Variants in HARS1 observed in about 807,000 individuals in gnomAD.
HARS1 encodes the protein histidyl-tRNA synthetase 1, also known as histidine--tRNA ligase, cytoplasmic.
HARS1 carries 45 observed loss-of-function variants against 63.6 expected under a neutral mutation model. That is an observed-to-expected ratio of 0.71 (90% confidence interval 0.56 to 0.91). The LOEUF (loss-of-function observed/expected upper bound fraction) is 0.91. Among genes scored for constraint, HARS1 ranks in the 40% least tolerant of loss-of-function variants. The pLI is 0.00. For synonymous variants in HARS1, 205 were observed against 247.1 expected (o/e 0.83, Z 1.60); for missense variants, 508 against 643.2 (o/e 0.79, Z 2.27).
chr5:140,686,081 G>A (rs950778898), intron 2 of HARS1, among the ~76,000 whole-genome samples: 10 of 145,180 alleles, frequency 6.9e-5, no homozygotes, highest in South Asian at 2.2e-4. Context: ...ATACAGGCGC[G>A]TGCCACCACG....
chr5:140,674,576 A>T, intron 12 of HARS1, 103 bp downstream of exon 12: 1 of 1,286,356 alleles, frequency 7.8e-7, no homozygotes, highest in Non-Finnish European at 1.1e-6. Flanking sequence ...TATGAGTTGT[A>T]CTAATATCAA....
chr5:140,689,467 T>G (rs777181496), intron 2 of HARS1, among the ~76,000 whole-genome samples: 2 of 152,196 alleles, frequency 1.3e-5, no homozygotes, highest in Non-Finnish European at 2.9e-5. Flanking sequence ...GGTTTTTATT[T>G]GTTTGTTTGT....
At chr5:140,685,833 A>G (rs1185092641) in intron 2 of HARS1, among the ~76,000 whole-genome samples, 1 of 152,154 alleles carries the variant, frequency 6.6e-6, no homozygotes, top group African/African-American at 2.4e-5. Flanking sequence ...TTGCCTGTGC[A>G]TGATTTCATA....
intron 2 of HARS1, among the ~76,000 whole-genome samples, chr5:140,689,739 C>T (rs998115831): frequency 2.0e-5 from 3 of 152,140 alleles, no homozygotes; most frequent in African/African-American, 4.8e-5. Context: ...GGTAAATAAA[C>T]GACATAAATA....
At chr5:140,689,447 G>C (rs1759236414) in intron 2 of HARS1, among the ~76,000 whole-genome samples, 1 of 124,376 alleles carries the variant, frequency 8.0e-6, no homozygotes, top group Admixed American at 8.1e-5. Context: ...TTTATTGTTA[G>C]ATTTCAAAAG....
intron 5 of HARS1, 87 bp from the exon 6 acceptor site, chr5:140,678,102 G>A: frequency 4.1e-6 from 3 of 733,738 alleles, no homozygotes; most frequent in Non-Finnish European, 7.5e-6. Flanking sequence ...AGGAAGGCCT[G>A]GTTGCACTCA....
chr5:140,687,632 TTA>T (rs1491581229), intron 2 of HARS1: 11 of 152,230 alleles, frequency 7.2e-5, no homozygotes, highest in African/African-American at 2.2e-4. Flanking sequence ...AATTAATTAA[TTA>T]ATTTATTTAT....
rs767086117 is a variant in HARS1, at chr5:140,674,221, C to T, written c.*36G>A. ...AGTTTGTCTTAACCTCAAATAGTGC[C>T]AGTCCCACTTCCTTTCCTCTGATAG... On this transcript the variant is annotated 3_prime_UTR_variant, in exon 13 of 13. Transcript: ENST00000504156. 1 of 1,313,388 alleles carries T rather than the reference C, an allele frequency of 7.6e-7. No homozygotes were observed. Among genetic ancestry groups the T allele is most frequent in the Non-Finnish European group, 1.1e-6 (1 of 905,010 alleles). The allele number at this position is 1,313,388 out of a possible 1,614,324, so 81.4% of individuals were successfully genotyped here. A position where few individuals can be genotyped will look rare whatever the true frequency, so the allele number is the denominator to read the frequency against.
chr5:140,683,969 C>G (rs1002956314), intron 2 of HARS1: 2 of 152,128 alleles, frequency 1.3e-5, no homozygotes, highest in African/African-American at 4.8e-5. Flanking sequence ...GACTGAGAGA[C>G]AGAGCGAGAC....
chr5:140,684,525 A>T (rs1271431400), intron 2 of HARS1: 1 of 476,800 alleles, frequency 2.1e-6, no homozygotes, highest in African/African-American at 2.1e-5. Flanking sequence ...TAGGCAGATA[A>T]ATTTTACAGA....
At chr5:140,685,898 T>G (rs1758994344) in intron 2 of HARS1, among the ~76,000 whole-genome samples, 1 of 152,084 alleles carries the variant, frequency 6.6e-6, no homozygotes, top group Admixed American at 6.6e-5. Context: ...AAGCCTTATT[T>G]ATTTACATCA....
rs1194198049 is a variant in HARS1, at chr5:140,679,432, G to A, written c.397-305C>T. 2 of 410,184 alleles carry A rather than the reference G, an allele frequency of 4.9e-6. No individual in the cohort carries two copies. The highest frequency in any genetic ancestry group is 8.7e-6 in the Non-Finnish European group (2 of 230,244). 25.4% of individuals were successfully genotyped at this position (410,184 alleles called of 1,614,324 possible). On this transcript the variant is annotated intron_variant, in intron 4 of 12. Coordinates refer to ENST00000504156, the MANE Select transcript of HARS1 (RefSeq NM_002109.6). This position sits in a 1 kb window ranked among gnomAD's most constrained non-coding sequence, Gnocchi z 4.3. ...CGACCAGAAAAAGGCCCCCATATGG[G>A]ATTTCTAAGCAGATGATTCTCTGTG...
intron 2 of HARS1, among the ~76,000 whole-genome samples, chr5:140,686,088 C>G (rs1427694045): frequency 1.3e-5 from 2 of 150,864 alleles, no homozygotes; most frequent in African/African-American, 4.9e-5. Context: ...CGCGTGCCAC[C>G]ACGCCCGGCA....
In HARS1 at chr5:140,690,929, C is replaced by A; in HGVS notation, c.106G>T (p.Ala36Ser). 1 of 1,601,230 alleles carries A rather than the reference C, an allele frequency of 6.2e-7. No individual in the cohort carries two copies. The highest frequency in any genetic ancestry group is 1.1e-5 in the South Asian group (1 of 90,852). Reference sequence around the variant, plus strand: ...TGTGCCTTCAGTTTCAGGAGTTTCGCCACCTCCTCCTCGATCTGTGGAGGG... The same window carrying A: ...TGTGCCTTCAGTTTCAGGAGTTTCGACACCTCCTCCTCGATCTGTGGAGGG... ...ASAELIEEEV[A>S]KLLKLKAQLG... The change falls in exon 2 of 13, where the codon GCG becomes TCG. Residue 36 changes from alanine (A) to serine (S), a missense_variant. This residue lies in a region of HARS1 where 105 missense variants were observed against 94.5 expected (regional missense o/e 1.11). Coordinates refer to ENST00000504156, the MANE Select transcript of HARS1 (RefSeq NM_002109.6).
At chr5:140,677,163 G>T in intron 8 of HARS1, 47 bp from the exon 9 acceptor site, 1 of 1,609,316 alleles carries the variant, frequency 6.2e-7, no homozygotes, top group Non-Finnish European at 8.5e-7. Flanking sequence ...AACAAAAAAG[G>T]TAAGGAGGGT....
chr5:140,689,587 C>T (rs1267841195), intron 2 of HARS1, among the ~76,000 whole-genome samples: 1 of 152,186 alleles, frequency 6.6e-6, no homozygotes, highest in Non-Finnish European at 1.5e-5. Flanking sequence ...GTGTAAGCCA[C>T]CACACTCAGC....
rs1368838076 is a variant in HARS1 at position 140,674,242 on chromosome 5, G to C, written c.*15C>G. Reference sequence around the variant, plus strand: ...GTGCCAGTCCCACTTCCTTTCCTCTGATAGTTTGTTCAGTTCAGCAGATGC... The same window carrying C: ...GTGCCAGTCCCACTTCCTTTCCTCTCATAGTTTGTTCAGTTCAGCAGATGC... On this transcript the variant is annotated 3_prime_UTR_variant, in exon 13 of 13. Transcript: ENST00000504156. The C allele has an allele frequency of 6.5e-7, 1 of 1,536,014 alleles. No homozygotes were observed. The highest frequency in any genetic ancestry group is 2.2e-5 in the East Asian group (1 of 44,534).
In HARS1 at chr5:140,679,806, G is replaced by C; in HGVS notation, c.378C>G (p.Ser126=). The change falls in exon 4 of 13, where the codon TCC becomes TCG. Residue 126 remains serine, a synonymous_variant. Coordinates refer to ENST00000504156, the MANE Select transcript of HARS1 (RefSeq NM_002109.6). The surrounding 1 kb of genome is among the most constrained non-coding windows in gnomAD (Gnocchi z 4.3). ...DLKDQGGELL[S]LRYDLTVPFA... ...AAGATACAGTGAGGTCATAGCGAAG[G>C]GACAGGAGCTCCCCGCCCTGGTCCT... is the stretch of plus-strand genomic sequence containing the variant. 1 of 1,599,788 alleles carries C rather than the reference G, an allele frequency of 6.3e-7. No individual in the cohort carries two copies. Among genetic ancestry groups the C allele is most frequent in the East Asian group, 2.2e-5 (1 of 44,736 alleles).
chr5:140,685,828 T>G (rs764780087), intron 2 of HARS1, among the ~76,000 whole-genome samples: 33 of 152,320 alleles, frequency 2.2e-4, no homozygotes, highest in Admixed American at 1.3e-3. Flanking sequence ...ATCCTTTGCC[T>G]GTGCATGATT....
Sources: gnomAD v4.1 joint callset for allele counts (sites outside exome capture counted in the v4.1 genomes callset) on GRCh38, gnomAD v4.1.1 for gene constraint, gnomAD v4.1.1 regional missense constraint, Gnocchi (gnomAD v3.1) non-coding constraint, MANE v1.5 for transcripts, NCBI Gene and HGNC (gene_info 2026-07-23, HGNC 2026-07-21) for gene names.